LMLN: variants seen among roughly 807,000 people sequenced by gnomAD.
The protein encoded by LMLN is leishmanolysin like peptidase.
Under a neutral mutation model 92.3 loss-of-function variants are expected in LMLN, and 70 were observed. The observed-to-expected ratio is 0.76, with a 90% CI of 0.63 to 0.92. The LOEUF is 0.92. LMLN is among the 40% of genes least tolerant of loss of function. The pLI, the probability that LMLN is intolerant of heterozygous loss-of-function variation, is 0.00. For missense variants in LMLN, 691 were observed against 814.6 expected, an observed-to-expected ratio of 0.85 and a Z score of 1.85; for synonymous variants, 308 against 296.2, an observed-to-expected ratio of 1.04 and a Z score of -0.41.
chr3:197,989,379 C>G (rs1202751209), intron 8 of LMLN, among the ~76,000 whole-genome samples: 1 of 152,094 alleles, frequency 6.6e-6, no homozygotes, highest in Middle Eastern at 3.2e-3. Flanking sequence ...GATTTTTACG[C>G]TGTCATTTTT....
intron 6 of LMLN, among the ~76,000 whole-genome samples, chr3:197,981,230 GGA>G (rs1485697351): frequency 6.6e-6 from 1 of 151,836 alleles, no homozygotes; most frequent in Admixed American, 6.6e-5. Flanking sequence ...AAATTAGCCA[GGA>G]GTGGTGGTGT....
intron 14 of LMLN, among the ~76,000 whole-genome samples, chr3:198,027,307 A>G (rs930662470): frequency 6.6e-6 from 1 of 151,518 alleles, no homozygotes; most frequent in Non-Finnish European, 1.5e-5. Context: ...CTTTAGACGT[A>G]ATTGCTTTTG....
At chr3:198,013,105 C>A (rs202180258) in intron 11 of LMLN, among the ~76,000 whole-genome samples, 161 of 134,850 alleles carry the variant, frequency 1.2e-3, no homozygotes, top group East Asian at 4.4e-3. Context: ...CCTTCAGAGC[C>A]CCCTAACTAG....
chr3:197,971,691 T>C (rs1721228874), intron 1 of LMLN, among the ~76,000 whole-genome samples: 1 of 152,134 alleles, frequency 6.6e-6, no homozygotes, highest in Non-Finnish European at 1.5e-5. Context: ...TTCAAGTGAT[T>C]CTCATGCCTC....
At position 197,977,874 on chromosome 3, in the gene LMLN, A is replaced by G. The variant is rs141408404; in HGVS notation, c.549+1159A>G. Among the ~76,000 whole-genome samples, 152 of 151,908 alleles carry G rather than the reference A, an allele frequency of 1.0e-3. 1 individual carries two copies. Among genetic ancestry groups the G allele is most frequent in the Middle Eastern group, 6.9e-3 (2 of 288 alleles). On this transcript the variant is annotated intron_variant, in intron 5 of 15. Coordinates refer to ENST00000330198, the Ensembl canonical transcript of LMLN. ...GGATACATATAAAAATCATCAAACA[A>G]TCTGGAAGTATACACACGTTAATTC...
At position 198,014,106 on chromosome 3, in the gene LMLN, C is replaced by G. The variant is rs1458067649; in HGVS notation, c.1233-5147C>G. Among the ~76,000 whole-genome samples, 26 of 147,046 alleles carry G rather than the reference C, an allele frequency of 1.8e-4. No homozygotes were observed. In the Middle Eastern group the frequency reaches 0.018, roughly 102 times the overall value. On this transcript the variant is annotated intron_variant, in intron 11 of 15. Coordinates refer to ENST00000330198, the Ensembl canonical transcript of LMLN. ...GACTTCTCTGTACCCTTCAGAGTCCCCTAACTAGTCTGACTTCTCTGTACC... is the reference window on the plus strand; with the variant it reads ...GACTTCTCTGTACCCTTCAGAGTCCGCTAACTAGTCTGACTTCTCTGTACC...
rs1447175554 is a variant in LMLN at position 197,990,593 on chromosome 3, C to T, written c.964C>T (p.Arg322Ter). The change falls in exon 9 of 16, where the codon CGA becomes TGA. Residue 322 changes from arginine (R) to a stop codon, truncating the protein, a stop_gained. Coordinates refer to ENST00000330198, the Ensembl canonical transcript of LMLN. LOFTEE classifies it high-confidence loss of function. ...ATATCAATGGAGTGATAAAGTAGTT[C>T]GAAAAGTGGAGAGATTATGGGATGT... 18 of 1,589,254 alleles carry T rather than the reference C, an allele frequency of 1.1e-5. No homozygotes were observed. Among genetic ancestry groups the T allele is most frequent in the Middle Eastern group, 1.7e-4 (1 of 6,028 alleles).
chr3:197,984,122 T>C (rs1236941854), intron 7 of LMLN, 74 bp downstream of exon 7: 19 of 915,538 alleles, frequency 2.1e-5, no homozygotes, highest in Non-Finnish European at 3.2e-5. Flanking sequence ...TTTATACATA[T>C]ATTCCACTTT....
chr3:197,969,650 A>C (rs1373628676), intron 1 of LMLN, among the ~76,000 whole-genome samples: 5 of 152,200 alleles, frequency 3.3e-5, no homozygotes, highest in African/African-American at 1.2e-4. Context: ...AATGTCCCAC[A>C]CGCACTGAAG....
At chr3:197,960,476 G>T (rs1318802144) in intron 1 of LMLN, 36 bp downstream of exon 1, 2 of 1,588,550 alleles carry the variant, frequency 1.3e-6, no homozygotes, top group African/African-American at 2.7e-5. Context: ...CCCTCTCAGG[G>T]TAAAGTCACC....
chr3:197,960,559 C>A, intron 1 of LMLN, 119 bp downstream of exon 1: 1 of 912,842 alleles, frequency 1.1e-6, no homozygotes, highest in Non-Finnish European at 1.6e-6. Context: ...TGGGGCAGAG[C>A]CTGACTCTTA....
intron 8 of LMLN, among the ~76,000 whole-genome samples, chr3:197,988,967 G>A (rs1175401193): frequency 6.6e-6 from 1 of 152,192 alleles, no homozygotes; most frequent in Non-Finnish European, 1.5e-5. Flanking sequence ...ACAGGTGTGA[G>A]CCACTGCACC....
chr3:197,999,402 T>TTA, intron 11 of LMLN, 60 bp downstream of exon 11: 2 of 1,157,682 alleles, frequency 1.7e-6, no homozygotes, highest in Admixed American at 3.6e-5. Context: ...AATACTGAGC[T>TTA]TATAGCTTAA....
At chr3:197,967,456 G>A (rs980965174) in intron 1 of LMLN, among the ~76,000 whole-genome samples, 1 of 152,192 alleles carries the variant, frequency 6.6e-6, no homozygotes, top group Admixed American at 6.5e-5. Context: ...TACGAAGAGG[G>A]AGTAGGTCAC....
intron 11 of LMLN, among the ~76,000 whole-genome samples, chr3:198,002,420 G>A (rs1722199296): frequency 6.6e-6 from 1 of 152,200 alleles, no homozygotes; most frequent in South Asian, 2.1e-4. Context: ...GTGAGTCACT[G>A]CGCCCAGCTA....
intron 11 of LMLN, among the ~76,000 whole-genome samples, chr3:198,000,402 AG>A (rs1361803632): frequency 2.0e-5 from 3 of 152,212 alleles, no homozygotes; most frequent in African/African-American, 7.2e-5. Context: ...GAGGTGAAAG[AG>A]GTAAAAGCAT....
At chr3:197,964,995 G>A (rs541256308) in intron 1 of LMLN, among the ~76,000 whole-genome samples, 3 of 143,214 alleles carry the variant, frequency 2.1e-5, no homozygotes, top group African/African-American at 5.3e-5. Context: ...CGACAAGAGC[G>A]AAACTCTGTC....
At chr3:197,971,110 A>G (rs1174647115) in intron 1 of LMLN, among the ~76,000 whole-genome samples, 1 of 152,214 alleles carries the variant, frequency 6.6e-6, no homozygotes, top group Non-Finnish European at 1.5e-5. Context: ...TGTTCTTCAC[A>G]GAAAGTCAAT....
chr3:198,038,253 G>A, intron 15 of LMLN: 1 of 283,878 alleles, frequency 3.5e-6, no homozygotes, highest in East Asian at 7.9e-5. Flanking sequence ...AATAAAAGAA[G>A]AAAGTTCTTC....
Sources: gnomAD v4.1 joint callset for allele counts (sites outside exome capture counted in the v4.1 genomes callset) on GRCh38, gnomAD v4.1.1 for gene constraint, MANE v1.5 for transcripts, NCBI Gene and HGNC (gene_info 2026-07-23, HGNC 2026-07-21) for gene names.